Variants in CTNNA3 observed in about 807,000 individuals in gnomAD.
CTNNA3 encodes the protein catenin alpha-3.
Under a neutral mutation model 95.7 loss-of-function variants are expected in CTNNA3, and 76 were observed. The ratio of observed to expected loss-of-function variants is 0.79; its 90% CI spans 0.66 to 0.96. The LOEUF is 0.96. CTNNA3 is among the 40% of genes least tolerant of loss of function. The pLI is 0.00. For missense variants in CTNNA3, 1,191 were observed against 1,089.8 expected, an observed-to-expected ratio of 1.09 and a Z score of -1.31; for synonymous variants, 431 against 374.4, an observed-to-expected ratio of 1.15 and a Z score of -1.74.
chr10:67,363,218 A>G (rs1178742787), intron 5 of CTNNA3, among the ~76,000 whole-genome samples: 2 of 152,132 alleles, frequency 1.3e-5, no homozygotes, highest in African/African-American at 4.8e-5. Context: ...ATTCAATGCT[A>G]TTCCTATCAA....
intron 9 of CTNNA3, among the ~76,000 whole-genome samples, chr10:66,623,578 A>T (rs1474877214): frequency 6.6e-6 from 1 of 152,114 alleles, no homozygotes; most frequent in Non-Finnish European, 1.5e-5. Flanking sequence ...AATACAACAC[A>T]ACTGAAAGTT....
intron 7 of CTNNA3, among the ~76,000 whole-genome samples, chr10:67,037,125 G>T (rs1035482325): frequency 6.6e-6 from 1 of 152,100 alleles, no homozygotes; most frequent in Non-Finnish European, 1.5e-5. Flanking sequence ...TTTATTATAA[G>T]GACTTTACAT....
At chr10:66,804,682 T>G (rs1025494786) in intron 7 of CTNNA3, among the ~76,000 whole-genome samples, 4 of 152,102 alleles carry the variant, frequency 2.6e-5, no homozygotes, top group African/African-American at 9.7e-5. Flanking sequence ...AAATCTATAT[T>G]GCTCTCCCTA....
chr10:66,568,552 TC>T (rs1421226376), intron 10 of CTNNA3, among the ~76,000 whole-genome samples: 1 of 152,040 alleles, frequency 6.6e-6, no homozygotes, highest in African/African-American at 2.4e-5. Context: ...CACTTCTACT[TC>T]CTGAGCTGCA....
At chr10:67,097,131 CTAGT>C (rs1858045884) in intron 7 of CTNNA3, among the ~76,000 whole-genome samples, 2 of 151,660 alleles carry the variant, frequency 1.3e-5, no homozygotes, top group South Asian at 4.1e-4. Context: ...AGGGGGTTGA[CTAGT>C]TAAAGAAGTG....
At chr10:67,573,920 G>A (rs1842057319) in intron 3 of CTNNA3, among the ~76,000 whole-genome samples, 1 of 152,172 alleles carries the variant, frequency 6.6e-6, no homozygotes, top group Non-Finnish European at 1.5e-5. Context: ...AATTATAGCA[G>A]ATGAAAATGT....
At position 66,500,010 on chromosome 10, in the gene CTNNA3, C is replaced by A. The variant is rs189533136; in HGVS notation, c.1531+20607G>T. Among the ~76,000 whole-genome samples, 9 of 152,028 alleles carry A rather than the reference C, an allele frequency of 5.9e-5. No individual in the cohort carries two copies. The East Asian group carries it at 1.7e-3, about 30-fold the overall frequency. ...TAGAGATGGGGTTTCACCATGTTGG[C>A]CAGGCTTGTCTCAAACTCCTGACAT... is the stretch of plus-strand genomic sequence containing the variant. On this transcript the variant is annotated intron_variant, in intron 11 of 17. Coordinates refer to ENST00000433211, the MANE Select transcript of CTNNA3 (RefSeq NM_013266.4).
chr10:67,036,989 T>C (rs113994677), intron 7 of CTNNA3, among the ~76,000 whole-genome samples: 2,749 of 152,258 alleles, frequency 0.018, 79 homozygotes, highest in African/African-American at 0.061. Context: ...ATTCATCTAT[T>C]TGAGATGCAG....
chr10:67,550,140 A>C (rs1840972880), intron 3 of CTNNA3, among the ~76,000 whole-genome samples: 2 of 152,214 alleles, frequency 1.3e-5, no homozygotes, highest in Admixed American at 1.3e-4. Context: ...TTGCCTGAAA[A>C]TCCCAGACAA....
intron 12 of CTNNA3, among the ~76,000 whole-genome samples, chr10:66,309,997 G>C (rs934488004): frequency 6.0e-5 from 9 of 151,152 alleles, no homozygotes; most frequent in African/African-American, 1.7e-4. Flanking sequence ...GGTGGTGAGA[G>C]CCTGTAATCC....
chr10:65,920,226 A>T lies in CTNNA3; in HGVS notation c.*104T>A. 9.9e-7 allele frequency: 1 copy of T among 1,008,614 alleles called. No homozygotes were observed. The highest frequency in any genetic ancestry group is 1.5e-6 in the Non-Finnish European group (1 of 676,980). The allele number at this position is 1,008,614 out of a possible 1,614,324, so 62.5% of individuals were successfully genotyped here. On this transcript the variant is annotated 3_prime_UTR_variant, in exon 18 of 18. Transcript: ENST00000433211. The stretch of plus-strand genomic sequence containing the variant: ...CAATATTTTATGTTATTTGTGAGTT[A>T]AACACCAAAACTTAGTGAAATTACA...
intron 7 of CTNNA3, among the ~76,000 whole-genome samples, chr10:66,925,402 A>G (rs117610984): frequency 6.6e-6 from 1 of 152,344 alleles, no homozygotes; most frequent in East Asian, 1.9e-4. Flanking sequence ...TTCGTATCCT[A>G]ACACTAAAAA....
At chr10:67,670,773 C>T (rs538759536) in intron 1 of CTNNA3, among the ~76,000 whole-genome samples, 1 of 152,206 alleles carries the variant, frequency 6.6e-6, no homozygotes, top group East Asian at 1.9e-4. Context: ...TTCTCAGTTC[C>T]ATTCCCCTCT....
chr10:66,261,220 T>C (rs2090986586), intron 13 of CTNNA3, among the ~76,000 whole-genome samples: 1 of 152,104 alleles, frequency 6.6e-6, no homozygotes, highest in Non-Finnish European at 1.5e-5. Context: ...GGAATTTTAT[T>C]TTAAACTGAA....
chr10:67,054,022 T>G (rs1418454701), intron 7 of CTNNA3, among the ~76,000 whole-genome samples: 1 of 152,166 alleles, frequency 6.6e-6, no homozygotes, highest in Non-Finnish European at 1.5e-5. Flanking sequence ...AAGAGCCCAC[T>G]GACCAGTTTC....
At chr10:67,234,669 T>C (rs1170551393) in intron 5 of CTNNA3, among the ~76,000 whole-genome samples, 3 of 151,592 alleles carry the variant, frequency 2.0e-5, no homozygotes, top group East Asian at 1.9e-4. Flanking sequence ...CCAGGGCAAT[T>C]AGGCAGGAGA....
At chr10:66,826,097 G>T (rs1475022020) in intron 7 of CTNNA3, among the ~76,000 whole-genome samples, 1 of 152,140 alleles carries the variant, frequency 6.6e-6, no homozygotes, top group African/African-American at 2.4e-5. Flanking sequence ...TTACAAAAGG[G>T]CACTAGGAAA....
chr10:66,243,586 T>C (rs530357852), intron 13 of CTNNA3, among the ~76,000 whole-genome samples: 1 of 152,320 alleles, frequency 6.6e-6, no homozygotes, highest in Admixed American at 6.5e-5. Context: ...CTTTGAGTTG[T>C]CCTGCCTCTC....
rs556775452 is a variant in CTNNA3 at position 67,345,600 on chromosome 10, T to A, written c.580-125730A>T. ...AGTGACTTTCTTTGTCTCTTCTTAT[T>A]GTTTTCGCCTTGAAATCTATTTTGT... On this transcript the variant is annotated intron_variant, in intron 5 of 17. Transcript: ENST00000433211. 1.0e-3 allele frequency among the ~76,000 whole-genome samples: 154 copies of A among 152,244 alleles called. 1 individual carries two copies. Among genetic ancestry groups the A allele is most frequent in the African/African-American group, 3.5e-3 (146 of 41,592 alleles).
Sources: gnomAD v4.1 joint callset for allele counts (sites outside exome capture counted in the v4.1 genomes callset) on GRCh38, gnomAD v4.1.1 for gene constraint, MANE v1.5 for transcripts, NCBI Gene and HGNC (gene_info 2026-07-23, HGNC 2026-07-21) for gene names.